EEF2K: variants seen among roughly 807,000 people sequenced by gnomAD.
EEF2K encodes eukaryotic elongation factor 2 kinase.
In EEF2K, 70 loss-of-function variants were observed where a neutral mutation model predicts 93.8. The ratio of observed to expected loss-of-function variants is 0.75; its 90% CI spans 0.62 to 0.91. EEF2K has a LOEUF of 0.91. Among genes scored for constraint, EEF2K ranks in the 40% least tolerant of loss-of-function variants. The pLI is 0.00. For missense variants in EEF2K, 935 were observed against 972.9 expected, an observed-to-expected ratio of 0.96 and a Z score of 0.52; for synonymous variants, 376 against 380.8, an observed-to-expected ratio of 0.99 and a Z score of 0.15.
At chr16:22,264,136 A>T (rs1323205200) in intron 12 of EEF2K, among the ~76,000 whole-genome samples, 1 of 151,872 alleles carries the variant, frequency 6.6e-6, no homozygotes, top group Non-Finnish European at 1.5e-5. Flanking sequence ...AACTCAAAAT[A>T]CAAAAATTAG....
In EEF2K at chr16:22,226,517, C is replaced by CTTTTTTTTTTTTTTTTTTTTTT. The variant is rs553013823; in HGVS notation, c.246+557_246+558insTTTTTTTTTTTTTTTTTTTTTT. Among the ~76,000 whole-genome samples, 107 of 106,842 alleles carry CTTTTTTTTTTTTTTTTTTTTTT rather than the reference C, an allele frequency of 1.0e-3. 5 individuals carry two copies. The highest frequency in any genetic ancestry group is 2.0e-3 in the African/African-American group (48 of 23,630). 70.1% of individuals were successfully genotyped at this position (106,842 alleles called of 152,430 possible). Reference sequence around the variant, plus strand: ...CTTTTTCTTTCTTTTCCTTCTTCTTCTTTTTTTTTTTTTTTATAAACGTGG... The same window carrying CTTTTTTTTTTTTTTTTTTTTTT: ...CTTTTTCTTTCTTTTCCTTCTTCTTCTTTTTTTTTTTTTTTTTTTTTTTTTTTTTTTTTTTTTATAAACGTGG... On this transcript the variant is annotated intron_variant, in intron 2 of 17. Transcript: ENST00000263026.
rs766307698 is a variant in EEF2K, at chr16:22,256,740, C to G, written c.619-8C>G. 1.0e-4 allele frequency: 168 copies of G among 1,613,136 alleles called. 1 individual carries two copies. The East Asian group carries it at 3.7e-3, about 36-fold the overall frequency. On this transcript the variant is annotated splice_polypyrimidine_tract_variant and splice_region_variant and intron_variant, in intron 6 of 17. Transcript: ENST00000263026. ...CCTCCCGCCTGAGCCCACTCCCCAT[C>G]CCACCAGGTGGACATCATGCAGATG...
At chr16:22,279,660 A>G (rs762892297) in intron 16 of EEF2K, among the ~76,000 whole-genome samples, 19 of 151,812 alleles carry the variant, frequency 1.3e-4, no homozygotes, top group Non-Finnish European at 2.6e-4. Flanking sequence ...TTTTGTAGAG[A>G]CACGGTCTCT....
At chr16:22,282,396 T>C (rs61370390) in intron 17 of EEF2K, among the ~76,000 whole-genome samples, 6,970 of 152,220 alleles carry the variant, frequency 0.046, 538 homozygotes, top group African/African-American at 0.16. Flanking sequence ...GAATGAGCTC[T>C]GTGTGATTAG....
chr16:22,260,030 G>A (rs2047446900), intron 10 of EEF2K, among the ~76,000 whole-genome samples: 1 of 152,144 alleles, frequency 6.6e-6, no homozygotes, highest in African/African-American at 2.4e-5. Context: ...TGGGATTACA[G>A]GCATAAGACA....
At chr16:22,279,572 T>C (rs1216410297) in intron 16 of EEF2K, among the ~76,000 whole-genome samples, 1 of 152,226 alleles carries the variant, frequency 6.6e-6, no homozygotes, top group Admixed American at 6.5e-5. Context: ...AATTTCTTTA[T>C]ACTCTTTTAG....
At chr16:22,232,002 A>C (rs796388204) in intron 2 of EEF2K, among the ~76,000 whole-genome samples, 79 of 133,656 alleles carry the variant, frequency 5.9e-4, no homozygotes, top group Non-Finnish European at 8.5e-4. Flanking sequence ...AACAAACAAA[A>C]AAAAAAAAAA....
At chr16:22,255,698 G>T (rs2047391704) in intron 6 of EEF2K, among the ~76,000 whole-genome samples, 1 of 152,044 alleles carries the variant, frequency 6.6e-6, no homozygotes, top group African/African-American at 2.4e-5. Context: ...CAGTTCTTGA[G>T]GCCAGTTCAA....
rs746619297 is a variant in EEF2K, at chr16:22,258,577, C to T, written c.1113C>T (p.Pro371=). 22 of 1,613,996 alleles carry T rather than the reference C, an allele frequency of 1.4e-5. No homozygotes were observed. In the Admixed American group the frequency reaches 2.8e-4, roughly 21 times the overall value. Residue 371 remains proline, a synonymous_variant, in exon 10 of 18, where the codon CCC becomes CCT. Coordinates refer to ENST00000263026, the MANE Select transcript of EEF2K (RefSeq NM_013302.5). ...QVRTLSGSRP[P]LLRPLSENSG... is the part of the protein sequence containing the mutation. ...GGACCCTCTCTGGGAGCCGGCCACC[C>T]CTGCTCCGTCCCCTTTCAGAGAACT...
At chr16:22,237,027 C>T (rs1399731848) in intron 2 of EEF2K, among the ~76,000 whole-genome samples, 2 of 143,930 alleles carry the variant, frequency 1.4e-5, no homozygotes, top group African/African-American at 2.6e-5. Context: ...TCATTGCAAC[C>T]TCCACCTCCT....
intron 1 of EEF2K, among the ~76,000 whole-genome samples, chr16:22,215,906 CAG>C (rs1052431805): frequency 3.3e-5 from 5 of 152,144 alleles, no homozygotes; most frequent in African/African-American, 7.2e-5. Context: ...GCCTGGGTAA[CAG>C]AGGGAGACTC....
In EEF2K at chr16:22,260,395, C is replaced by T. The variant is rs1433236185; in HGVS notation, c.1232-67C>T. On this transcript the variant is annotated intron_variant, in intron 10 of 17. Coordinates refer to ENST00000263026, the MANE Select transcript of EEF2K (RefSeq NM_013302.5). The stretch of plus-strand genomic sequence containing the variant: ...GTGGCAGGTATGGACCGCCCTAGGC[C>T]GTGGGTTGGTCTTATGCATGTTCCA... The T allele has an allele frequency of 1.5e-5, 23 of 1,583,634 alleles. 1 individual carries two copies. Among genetic ancestry groups the T allele is most frequent in the East Asian group, 6.7e-5 (3 of 44,718 alleles).
rs748311349 is a variant in EEF2K, at chr16:22,225,786, C to T, written c.57C>T (p.Pro19=). The T allele has an allele frequency of 1.9e-6, 3 of 1,614,240 alleles. No homozygotes were observed. Among genetic ancestry groups the T allele is most frequent in the Non-Finnish European group, 2.5e-6 (3 of 1,180,050 alleles). The change falls in exon 2 of 18, where the codon CCC becomes CCT. Residue 19 remains proline, a synonymous_variant. Coordinates refer to ENST00000263026, the MANE Select transcript of EEF2K (RefSeq NM_013302.5). ...RLEGVDGGQS[P]RAGHDGDSDG... is the part of the protein sequence containing the mutation. ...AAGGCGTTGATGGCGGCCAGTCCCC[C>T]CGAGCTGGCCATGATGGTGATTCTG...
rs760428797 is a variant in EEF2K, at chr16:22,263,169, CCCTG to C, written c.1360_1363del (p.Pro454SerfsTer29). ...GTGAGAAGCGGGGTGAGCTGGATGA[CCCTG>C]AGCCCCGAGAACATGTAAGGAACCC... On this transcript the variant is annotated frameshift_variant, in exon 12 of 18. Coordinates refer to ENST00000263026, the MANE Select transcript of EEF2K (RefSeq NM_013302.5). LOFTEE classifies it high-confidence loss of function. 6.2e-7 allele frequency: 1 copy of C among 1,612,180 alleles called. No individual in the cohort carries two copies. The highest frequency in any genetic ancestry group is 8.5e-7 in the Non-Finnish European group (1 of 1,179,078).
intron 1 of EEF2K, among the ~76,000 whole-genome samples, chr16:22,218,819 C>G (rs944084736): frequency 1.3e-5 from 2 of 151,846 alleles, no homozygotes; most frequent in African/African-American, 4.8e-5. Context: ...ACTCAGCTAC[C>G]TTTCCATAGA....
chr16:22,216,530 G>T (rs905801251), intron 1 of EEF2K, among the ~76,000 whole-genome samples: 1 of 152,104 alleles, frequency 6.6e-6, no homozygotes, highest in Admixed American at 6.5e-5. Context: ...CTCTGAATTC[G>T]TGTTAAACTG....
intron 16 of EEF2K, among the ~76,000 whole-genome samples, chr16:22,276,910 G>T (rs2141687241): frequency 6.6e-6 from 1 of 152,092 alleles, no homozygotes; most frequent in Non-Finnish European, 1.5e-5. Context: ...TACAAAATTA[G>T]CTGAGTGTGA....
chr16:22,244,755 A>G, intron 3 of EEF2K, 25 bp downstream of exon 3: 1 of 1,612,370 alleles, frequency 6.2e-7, no homozygotes, highest in African/African-American at 1.3e-5. Flanking sequence ...TGGGGTCTCG[A>G]GGAGTCCTGG....
intron 15 of EEF2K, among the ~76,000 whole-genome samples, chr16:22,270,068 T>G (rs1057512784): frequency 6.6e-6 from 1 of 151,730 alleles, no homozygotes; most frequent in South Asian, 2.1e-4. Flanking sequence ...GCAATTCTCC[T>G]GCCTAAGCCT....
Sources: allele counts gnomAD v4.1 joint callset (sites outside exome capture counted in the v4.1 genomes callset), GRCh38; gene constraint gnomAD v4.1.1; transcripts MANE v1.5; gene names NCBI Gene and HGNC (gene_info 2026-07-23, HGNC 2026-07-21).